Variants in PISD observed in about 807,000 individuals in gnomAD.
PISD encodes phosphatidylserine decarboxylase proenzyme, mitochondrial.
Under a neutral mutation model 43.5 loss-of-function variants are expected in PISD, and 31 were observed. The observed-to-expected ratio is 0.71, with a 90% CI of 0.54 to 0.96. PISD has a LOEUF of 0.96. Ranked by LOEUF, PISD falls within the 40% of genes least tolerant of loss-of-function variation. The probability of loss-of-function intolerance (pLI) is 0.00; values close to 1 mark genes in which losing one functional copy is unlikely to be tolerated. For synonymous variants in PISD, 259 were observed against 228.7 expected (o/e 1.13, Z -1.20); for missense variants, 523 against 548.4 (o/e 0.95, Z 0.46).
At chr22:31,651,586 T>TA (rs1489701921) in intron 1 of PISD, among the ~76,000 whole-genome samples, 1 of 151,952 alleles carries the variant, frequency 6.6e-6, no homozygotes, top group Non-Finnish European at 1.5e-5. Flanking sequence ...CCATCTCTAC[T>TA]AAAAATACAA....
rs1242532078 is a variant in PISD, at chr22:31,648,146, C to A, written c.276G>T (p.Glu92Asp). The A allele has an allele frequency of 1.2e-6, 2 of 1,612,306 alleles. No individual in the cohort carries two copies. Among genetic ancestry groups the A allele is most frequent in the African/African-American group, 2.7e-5 (2 of 74,906 alleles). ...TGGGTGGAATCTCCAATCCCAGCTT[C>A]TCCAGCTCTCGCTCCCTGTACTTCT... Reference protein sequence around the residue: ...QYEKYRERELEKLGLEIPPKL... With the variant: ...QYEKYRERELDKLGLEIPPKL... The change falls in exon 3 of 8, where the codon GAG becomes GAT. Residue 92 changes from glutamate to aspartate, a missense_variant. Physicochemically the swap from Glu to Asp is conservative, Grantham distance 45. Coordinates refer to ENST00000439502, the MANE Select transcript of PISD (RefSeq NM_001326411.2).
intron 1 of PISD, among the ~76,000 whole-genome samples, chr22:31,654,052 C>A (rs2074103369): frequency 6.6e-6 from 1 of 152,210 alleles, no homozygotes; most frequent in Non-Finnish European, 1.5e-5. Flanking sequence ...ACTGTTACCA[C>A]TTCCTCACCT....
intron 3 of PISD, among the ~76,000 whole-genome samples, chr22:31,637,322 C>T (rs886895122): frequency 4.1e-5 from 6 of 147,010 alleles, no homozygotes; most frequent in East Asian, 4.0e-4. Context: ...GTGATCACAC[C>T]GCTACACTCC....
chr22:31,623,674 G>T, intron 3 of PISD: 4 of 1,610,932 alleles, frequency 2.5e-6, no homozygotes, highest in Non-Finnish European at 3.4e-6. Flanking sequence ...AGGGGCCTGT[G>T]CACACTTACC....
intron 3 of PISD, among the ~76,000 whole-genome samples, chr22:31,639,964 C>T (rs2073640069): frequency 6.6e-6 from 1 of 152,148 alleles, no homozygotes; most frequent in East Asian, 1.9e-4. Context: ...TCTCAGCAGT[C>T]CCTGAGCTCC....
chr22:31,631,279 G>A (rs1398152120), intron 3 of PISD, among the ~76,000 whole-genome samples: 3 of 152,200 alleles, frequency 2.0e-5, no homozygotes, highest in Admixed American at 6.5e-5. Context: ...ACCTCACTGA[G>A]GACCAGCTTC....
intron 5 of PISD, 26 bp from the exon 6 acceptor site, chr22:31,621,168 G>A: frequency 6.2e-7 from 1 of 1,613,970 alleles, no homozygotes; most frequent in South Asian, 1.1e-5. Flanking sequence ...AGACGTGGGG[G>A]CCACCAACAC....
At chr22:31,649,777 C>A (rs560502119) in intron 2 of PISD, among the ~76,000 whole-genome samples, 2 of 151,972 alleles carry the variant, frequency 1.3e-5, no homozygotes, top group Non-Finnish European at 2.9e-5. Context: ...AATGAGGTTG[C>A]CAAGGTGTGT....
intron 5 of PISD, 57 bp from the exon 6 acceptor site, chr22:31,621,199 C>G: frequency 6.2e-7 from 1 of 1,612,966 alleles, no homozygotes; most frequent in South Asian, 1.1e-5. Context: ...CAGCACGGAG[C>G]CCGAGTGTGG....
intron 7 of PISD, among the ~76,000 whole-genome samples, 174 bp from the exon 8 acceptor site, chr22:31,620,010 A>T (rs1309985822): frequency 6.6e-6 from 1 of 152,178 alleles, no homozygotes; most frequent in African/African-American, 2.4e-5. Context: ...CTCTAGCCAG[A>T]TCTCACACAC....
chr22:31,636,330 AG>A (rs1460303587), intron 3 of PISD, among the ~76,000 whole-genome samples: 1 of 152,238 alleles, frequency 6.6e-6, no homozygotes, highest in East Asian at 1.9e-4. Context: ...AGCAGCGCTC[AG>A]ACAGGAGTGA....
intron 2 of PISD, among the ~76,000 whole-genome samples, chr22:31,648,693 G>A (rs1464097034): frequency 6.6e-6 from 1 of 151,150 alleles, no homozygotes; most frequent in Non-Finnish European, 1.5e-5. Flanking sequence ...GAAGCCCTCA[G>A]TAGAGGTGAC....
chr22:31,643,249 G>C (rs2147768132), intron 3 of PISD, among the ~76,000 whole-genome samples: 1 of 152,256 alleles, frequency 6.6e-6, no homozygotes, highest in South Asian at 2.1e-4. Flanking sequence ...CATAGTGTTT[G>C]CTATATTCAT....
At chr22:31,635,599 G>A (rs1012499763) in intron 3 of PISD, among the ~76,000 whole-genome samples, 1 of 152,148 alleles carries the variant, frequency 6.6e-6, no homozygotes, top group African/African-American at 2.4e-5. Context: ...GCCCCGCTGA[G>A]TTCCACATAT....
intron 3 of PISD, among the ~76,000 whole-genome samples, chr22:31,637,757 G>C (rs1208066803): frequency 6.6e-6 from 1 of 152,108 alleles, no homozygotes; most frequent in Admixed American, 6.5e-5. Flanking sequence ...TCAACTTTTG[G>C]ATCCACTCTT....
intron 3 of PISD, among the ~76,000 whole-genome samples, chr22:31,643,658 C>T (rs2073801127): frequency 6.6e-6 from 1 of 152,198 alleles, no homozygotes; most frequent in Admixed American, 6.5e-5. Flanking sequence ...GCCTGTAATT[C>T]TAGCACTTTG....
chr22:31,658,142 T>C (rs1024603045), intron 1 of PISD, among the ~76,000 whole-genome samples: 2 of 152,222 alleles, frequency 1.3e-5, no homozygotes, highest in Non-Finnish European at 2.9e-5. Flanking sequence ...TCAATCTCAA[T>C]AGTGACAGTA....
chr22:31,647,968 A>G, intron 3 of PISD, 133 bp downstream of exon 3: 1 of 788,868 alleles, frequency 1.3e-6, no homozygotes, highest in South Asian at 1.8e-5. Flanking sequence ...GTATCTGGCC[A>G]AAACCTACTG....
chr22:31,630,782 G>A lies in PISD; in HGVS notation c.322-8897C>T, dbSNP rs1426643885. On this transcript the variant is annotated intron_variant, in intron 3 of 7. Coordinates refer to ENST00000439502, the MANE Select transcript of PISD (RefSeq NM_001326411.2). This position sits in a 1 kb window ranked among gnomAD's most constrained non-coding sequence, Gnocchi z 4.4. ...CACCTGGGGCTCCCGGCAGGGCCGG[G>A]GCGCCGGCTCCGCTCACTCACCCGC... 6.1e-6 allele frequency: 6 copies of A among 985,492 alleles called. No individual in the cohort carries two copies. The highest frequency in any genetic ancestry group is 7.2e-6 in the Non-Finnish European group (6 of 830,078). The allele number at this position is 985,492 out of a possible 1,614,324, so 61.0% of individuals were successfully genotyped here.
Sources: gnomAD v4.1 joint callset for allele counts (sites outside exome capture counted in the v4.1 genomes callset) on GRCh38, gnomAD v4.1.1 for gene constraint, Gnocchi (gnomAD v3.1) non-coding constraint, MANE v1.5 for transcripts, NCBI Gene and HGNC (gene_info 2026-07-23, HGNC 2026-07-21) for gene names.